Variants in ST6GAL2 observed in about 807,000 individuals in gnomAD.
ST6GAL2 encodes beta-galactoside alpha-2,6-sialyltransferase 2.
In ST6GAL2, 24 loss-of-function variants were observed where a neutral mutation model predicts 37.5. The ratio of observed to expected loss-of-function variants is 0.64; its 90% CI spans 0.46 to 0.90. The LOEUF is 0.90. Ranked by LOEUF, ST6GAL2 falls within the 40% of genes least tolerant of loss-of-function variation. ST6GAL2 has a pLI of 0.00. For synonymous variants in ST6GAL2, 306 were observed against 295.1 expected (o/e 1.04, Z -0.38); for missense variants, 715 against 712.7 (o/e 1.00, Z -0.04).
At chr2:106,884,928 T>TACACACAC (rs1185755842) in intron 1 of ST6GAL2, among the ~76,000 whole-genome samples, 1 of 123,778 alleles carries the variant, frequency 8.1e-6, no homozygotes, top group Admixed American at 7.7e-5. Flanking sequence ...TATATATATA[T>TACACACAC]ATATATACAT....
At chr2:106,853,525 G>A (rs1573281345) in intron 1 of ST6GAL2, among the ~76,000 whole-genome samples, 1 of 152,196 alleles carries the variant, frequency 6.6e-6, no homozygotes, top group African/African-American at 2.4e-5. Context: ...GCTGGACGTC[G>A]AAGGATGCAC....
rs780852002 is a variant in ST6GAL2, at chr2:106,843,261, G to A, written c.717C>T (p.Arg239=). Residue 239 remains arginine (R), a synonymous_variant, in exon 2 of 6, where the codon CGC becomes CGT. Coordinates refer to ENST00000409382, the MANE Select transcript of ST6GAL2 (RefSeq NM_001142351.2). ...TGCTCAGCCCGGCCTCCCGCTTCCC[G>A]CGGAAGCGCACCCCGTGCTTGTTGG... ...LTANKHGVRF[R]GKREAGLSRA... is the part of the protein sequence containing the mutation. 1.9e-6 allele frequency: 3 copies of A among 1,600,786 alleles called. No individual in the cohort carries two copies. Among genetic ancestry groups the A allele is most frequent in the East Asian group, 2.3e-5 (1 of 44,324 alleles).
chr2:106,859,415 C>G (rs1254956484), intron 1 of ST6GAL2, among the ~76,000 whole-genome samples: 2 of 152,210 alleles, frequency 1.3e-5, no homozygotes, highest in Non-Finnish European at 2.9e-5. Context: ...TGCAGATCCA[C>G]ATAATCAATA....
intron 4 of ST6GAL2, among the ~76,000 whole-genome samples, chr2:106,831,668 G>GT (rs944906773): frequency 1.3e-5 from 2 of 152,266 alleles, no homozygotes; most frequent in African/African-American, 2.4e-5. Flanking sequence ...GTCAAGAATT[G>GT]TAAGTAATCA....
intron 2 of ST6GAL2, among the ~76,000 whole-genome samples, chr2:106,835,882 GT>G (rs1676615348): frequency 6.6e-6 from 1 of 152,108 alleles, no homozygotes; most frequent in African/African-American, 2.4e-5. Flanking sequence ...TTAAGGATTT[GT>G]TCATACTTTA....
At chr2:106,862,830 G>A (rs1445903361) in intron 1 of ST6GAL2, among the ~76,000 whole-genome samples, 2 of 152,094 alleles carry the variant, frequency 1.3e-5, no homozygotes, top group African/African-American at 4.8e-5. Context: ...CAGGGACAGG[G>A]CAAATCAGCC....
chr2:106,854,722 G>T (rs1677504588), intron 1 of ST6GAL2, among the ~76,000 whole-genome samples: 1 of 152,034 alleles, frequency 6.6e-6, no homozygotes, highest in African/African-American at 2.4e-5. Flanking sequence ...ACAGAATAAG[G>T]CCTGCCTAAA....
chr2:106,841,632 G>T (rs1260732684), intron 2 of ST6GAL2, among the ~76,000 whole-genome samples: 2 of 152,176 alleles, frequency 1.3e-5, no homozygotes, highest in African/African-American at 4.8e-5. Flanking sequence ...AACTGCTGAG[G>T]GAGAGCCCAG....
intron 1 of ST6GAL2, among the ~76,000 whole-genome samples, chr2:106,874,661 T>C (rs1678426270): frequency 6.6e-6 from 1 of 152,192 alleles, no homozygotes; most frequent in Admixed American, 6.5e-5. Flanking sequence ...AGTGCACTGC[T>C]TCCCCTCAAT....
At chr2:106,836,842 G>A (rs1676664281) in intron 2 of ST6GAL2, among the ~76,000 whole-genome samples, 1 of 148,190 alleles carries the variant, frequency 6.7e-6, no homozygotes, top group African/African-American at 2.5e-5. Flanking sequence ...AGCTACTCGG[G>A]AGGCTAAGGT....
In ST6GAL2 at chr2:106,843,780, A is replaced by T; in HGVS notation, c.198T>A (p.His66Gln). 1 of 1,610,472 alleles carries T rather than the reference A, an allele frequency of 6.2e-7. No homozygotes were observed. The highest frequency in any genetic ancestry group is 8.5e-7 in the Non-Finnish European group (1 of 1,178,296). The change falls in exon 2 of 6, where the codon CAT becomes CAA. Residue 66 changes from histidine (H) to glutamine (Q), a missense_variant. By Grantham distance (24) the His-to-Gln change is conservative. Coordinates refer to ENST00000409382, the MANE Select transcript of ST6GAL2 (RefSeq NM_001142351.2). ...GKQRAIMGAAHEPSPPGGLDA... is the reference protein window; with the variant it reads ...GKQRAIMGAAQEPSPPGGLDA... ...CCAGGCCCCCAGGCGGGGAGGGCTC[A>T]TGTGCGGCGCCCATGATGGCCCGCT...
intron 1 of ST6GAL2, among the ~76,000 whole-genome samples, chr2:106,863,164 T>C (rs1475810342): frequency 6.6e-6 from 1 of 152,100 alleles, no homozygotes; most frequent in Admixed American, 6.5e-5. Flanking sequence ...TTACCTATGG[T>C]TACAAAGCTA....
At chr2:106,817,023 C>T (rs1473191489) in intron 5 of ST6GAL2, among the ~76,000 whole-genome samples, 2 of 152,208 alleles carry the variant, frequency 1.3e-5, no homozygotes, top group African/African-American at 4.8e-5. Flanking sequence ...AGCATTTAGA[C>T]CAGCCCTGGC....
chr2:106,866,386 G>A lies in ST6GAL2; in HGVS notation c.-58+19707C>T, dbSNP rs114582269. 6.5e-3 allele frequency among the ~76,000 whole-genome samples: 989 copies of A among 152,280 alleles called. 17 individuals are homozygous for A. The highest frequency in any genetic ancestry group is 0.023 in the African/African-American group (937 of 41,548). The stretch of plus-strand genomic sequence containing the variant: ...GAGAGTGGAACGATGAAGCAGGCAT[G>A]GGTCATATGTGTGCCACATCCTGTC... On this transcript the variant is annotated intron_variant, in intron 1 of 5. Coordinates refer to ENST00000409382, the MANE Select transcript of ST6GAL2 (RefSeq NM_001142351.2).
In ST6GAL2 at chr2:106,803,380, T is replaced by C. The variant is rs1053536676; in HGVS notation, c.*3298A>G. ...TGCCCATCCAAGCCTGATGCTTACATGCAACTTTTAATTGACCATCCCTTG... is the reference window on the plus strand; with the variant it reads ...TGCCCATCCAAGCCTGATGCTTACACGCAACTTTTAATTGACCATCCCTTG... On this transcript the variant is annotated 3_prime_UTR_variant, in exon 6 of 6. Coordinates refer to ENST00000409382, the MANE Select transcript of ST6GAL2 (RefSeq NM_001142351.2). 1 of 152,144 alleles carries C rather than the reference T, an allele frequency of 6.6e-6. No homozygotes were observed. Among genetic ancestry groups the C allele is most frequent in the African/African-American group, 2.4e-5 (1 of 41,428 alleles). 9.4% of individuals were successfully genotyped at this position (152,144 alleles called of 1,614,324 possible). A position where few individuals can be genotyped will look rare whatever the true frequency, so the allele number is the denominator to read the frequency against.
chr2:106,860,273 C>G (rs1677744314), intron 1 of ST6GAL2, among the ~76,000 whole-genome samples: 1 of 152,156 alleles, frequency 6.6e-6, no homozygotes, highest in South Asian at 2.1e-4. Flanking sequence ...GCAGGGTGAT[C>G]TGTCTTTCTG....
At chr2:106,875,636 T>C (rs937327709) in intron 1 of ST6GAL2, among the ~76,000 whole-genome samples, 1 of 152,236 alleles carries the variant, frequency 6.6e-6, no homozygotes, top group Non-Finnish European at 1.5e-5. Flanking sequence ...TGTTTCCAAA[T>C]TGCAATGCAG....
intron 1 of ST6GAL2, among the ~76,000 whole-genome samples, chr2:106,884,911 A>ATATATATATATG (rs1468939655): frequency 2.5e-4 from 28 of 111,194 alleles, no homozygotes; most frequent in Admixed American, 4.2e-4. Flanking sequence ...CAGCGCATAT[A>ATATATATATATG]TATATATATA....
chr2:106,858,099 C>CT (rs1299069950), intron 1 of ST6GAL2, among the ~76,000 whole-genome samples: 1 of 152,134 alleles, frequency 6.6e-6, no homozygotes, highest in Admixed American at 6.5e-5. Flanking sequence ...AGCATAAAAG[C>CT]TTTTTTGTAT....
Sources: allele counts gnomAD v4.1 joint callset (sites outside exome capture counted in the v4.1 genomes callset), GRCh38; gene constraint gnomAD v4.1.1; transcripts MANE v1.5; gene names NCBI Gene and HGNC (gene_info 2026-07-23, HGNC 2026-07-21).